Variants in UBE2G1 observed in about 807,000 individuals in gnomAD.
UBE2G1 encodes the protein ubiquitin conjugating enzyme E2 G1.
Under a neutral mutation model 22.7 loss-of-function variants are expected in UBE2G1, and 5 were observed. The observed-to-expected ratio is 0.22, with a 90% CI of 0.12 to 0.46. UBE2G1 has a LOEUF of 0.46. Among genes scored for constraint, UBE2G1 ranks in the 20% least tolerant of loss-of-function variants. UBE2G1 has a pLI of 0.99. For synonymous variants in UBE2G1, 74 were observed against 67.5 expected (o/e 1.10, Z -0.47); for missense variants, 88 against 203.9 (o/e 0.43, Z 3.46).
intron 2 of UBE2G1, among the ~76,000 whole-genome samples, chr17:4,305,574 G>A (rs1283265598): frequency 6.6e-6 from 1 of 152,124 alleles, no homozygotes; most frequent in Non-Finnish European, 1.5e-5. Context: ...ACGGAGTCTC[G>A]CTCTGTCACC....
chr17:4,316,073 G>C (rs1366660466), intron 1 of UBE2G1, among the ~76,000 whole-genome samples: 3 of 151,978 alleles, frequency 2.0e-5, no homozygotes, highest in African/African-American at 7.2e-5. Flanking sequence ...AAAGTGCTGG[G>C]ATTACAAGCG....
chr17:4,309,505 A>G (rs1567520288), intron 1 of UBE2G1, among the ~76,000 whole-genome samples: 1 of 152,244 alleles, frequency 6.6e-6, no homozygotes, highest in East Asian at 1.9e-4. Flanking sequence ...TTTCACTGTT[A>G]TTTTGTTTAT....
chr17:4,360,628 C>T (rs1969955533), intron 1 of UBE2G1, among the ~76,000 whole-genome samples: 1 of 152,198 alleles, frequency 6.6e-6, no homozygotes, highest in Admixed American at 6.6e-5. Context: ...TATAATAAAA[C>T]TGGCCCGGCG....
intron 4 of UBE2G1, among the ~76,000 whole-genome samples, chr17:4,287,233 C>T (rs866157489): frequency 6.6e-6 from 1 of 151,616 alleles, no homozygotes; most frequent in South Asian, 2.1e-4. Flanking sequence ...GTCTCCCAAG[C>T]AGCTGGGATT....
chr17:4,349,698 C>T (rs1357743539), intron 1 of UBE2G1, among the ~76,000 whole-genome samples: 2 of 151,834 alleles, frequency 1.3e-5, no homozygotes, highest in African/African-American at 2.4e-5. Flanking sequence ...AAAAAATTAG[C>T]CGGGCGTGGT....
At chr17:4,363,987 G>T (rs936119329) in intron 1 of UBE2G1, among the ~76,000 whole-genome samples, 2 of 146,358 alleles carry the variant, frequency 1.4e-5, no homozygotes, top group African/African-American at 5.1e-5. Context: ...AGATGCAGAC[G>T]GGCACGGTGG....
At chr17:4,326,050 G>T (rs7214818) in intron 1 of UBE2G1, among the ~76,000 whole-genome samples, 193 of 152,056 alleles carry the variant, frequency 1.3e-3, no homozygotes, top group African/African-American at 4.5e-3. Flanking sequence ...TCAAGACATT[G>T]GATTTAGCAA....
chr17:4,337,618 A>C (rs1598199155), intron 1 of UBE2G1, among the ~76,000 whole-genome samples: 1 of 150,312 alleles, frequency 6.7e-6, no homozygotes. Context: ...ACGCCACTGC[A>C]CTCCAGCCTG....
intron 1 of UBE2G1, among the ~76,000 whole-genome samples, chr17:4,355,774 C>T (rs1443474693): frequency 1.4e-5 from 2 of 144,568 alleles, no homozygotes; most frequent in African/African-American, 2.6e-5. Context: ...GATCTCAGCT[C>T]GCTGCAACCT....
chr17:4,357,057 T>TC (rs1597267787), intron 1 of UBE2G1, among the ~76,000 whole-genome samples: 1 of 151,740 alleles, frequency 6.6e-6, no homozygotes, highest in Non-Finnish European at 1.5e-5. Context: ...TACTTTATAG[T>TC]CCCCCCACCC....
At chr17:4,321,005 T>C (rs1387404232) in intron 1 of UBE2G1, among the ~76,000 whole-genome samples, 3 of 152,160 alleles carry the variant, frequency 2.0e-5, no homozygotes, top group Non-Finnish European at 4.4e-5. Flanking sequence ...AATGCTGCCA[T>C]TGCCAGGCGG....
At chr17:4,288,515 C>G (rs1416800020) in intron 4 of UBE2G1, among the ~76,000 whole-genome samples, 1 of 152,246 alleles carries the variant, frequency 6.6e-6, no homozygotes, top group South Asian at 2.1e-4. Flanking sequence ...TGTGAGCCAC[C>G]GTGCCCAGCC....
intron 1 of UBE2G1, among the ~76,000 whole-genome samples, chr17:4,319,977 ATTT>A (rs1288122285): frequency 1.3e-5 from 2 of 151,826 alleles, no homozygotes; most frequent in Non-Finnish European, 2.9e-5. Context: ...ATATATATAT[ATTT>A]AATAATATAT....
chr17:4,340,509 C>T (rs1156456326), intron 1 of UBE2G1, among the ~76,000 whole-genome samples: 3 of 152,068 alleles, frequency 2.0e-5, no homozygotes, highest in Non-Finnish European at 4.4e-5. Context: ...GGGCATTCAC[C>T]CATGCTGTTC....
chr17:4,344,367 C>T (rs1235555194), intron 1 of UBE2G1, among the ~76,000 whole-genome samples: 2 of 151,884 alleles, frequency 1.3e-5, no homozygotes, highest in African/African-American at 4.8e-5. Flanking sequence ...AGTGAAACCC[C>T]GTCTCTACTA....
chr17:4,283,860 T>C (rs115829677), intron 4 of UBE2G1, among the ~76,000 whole-genome samples: 2,568 of 152,070 alleles, frequency 0.017, 70 homozygotes, highest in African/African-American at 0.059. Flanking sequence ...GAATAAAAAG[T>C]GGGGCTGAGG....
intron 1 of UBE2G1, among the ~76,000 whole-genome samples, chr17:4,330,305 C>G (rs1180268871): frequency 2.0e-5 from 3 of 152,122 alleles, no homozygotes. Flanking sequence ...CTCCCAGGCA[C>G]TTTTCCATAC....
chr17:4,294,383 T>G (rs538091619), intron 3 of UBE2G1, among the ~76,000 whole-genome samples: 14 of 140,316 alleles, frequency 1.0e-4, no homozygotes, highest in Non-Finnish European at 1.9e-4. Context: ...CCCACTGCAT[T>G]CCAGCCTGGG....
At chr17:4,291,358 CA>C (rs377584623) in intron 3 of UBE2G1, among the ~76,000 whole-genome samples, 149 of 117,966 alleles carry the variant, frequency 1.3e-3, no homozygotes, top group African/African-American at 4.3e-3. Context: ...AACTCCATCT[CA>C]AAAAAAAAAA....
Sources: gnomAD v4.1 joint callset for allele counts (sites outside exome capture counted in the v4.1 genomes callset) on GRCh38, gnomAD v4.1.1 for gene constraint, MANE v1.5 for transcripts, NCBI Gene and HGNC (gene_info 2026-07-23, HGNC 2026-07-21) for gene names.